NCR1: variants seen among roughly 807,000 people sequenced by gnomAD.
NCR1 encodes the protein natural cytotoxicity triggering receptor 1, also known as NK cell-activating receptor.
A neutral mutation model predicts 32.5 loss-of-function variants in NCR1; 30 were observed. That is an observed-to-expected ratio of 0.92 (90% CI 0.69 to 1.25). The LOEUF is 1.25. Ranked by LOEUF, NCR1 falls within the 50% of genes most tolerant of loss-of-function variation. The probability of loss-of-function intolerance (pLI) is 0.00; values close to 1 mark genes in which losing one functional copy is unlikely to be tolerated. For missense variants in NCR1, 369 were observed against 380.7 expected (o/e 0.97, Z 0.26); for synonymous variants, 169 against 143.4 (o/e 1.18, Z -1.28).
chr19:54,912,127 G>A (rs2068005360), intron 5 of NCR1, 41 bp from the exon 6 acceptor site: 2 of 1,575,758 alleles, frequency 1.3e-6, no homozygotes, highest in Non-Finnish European at 1.7e-6. Flanking sequence ...GGGTGGAGGA[G>A]GTCAAAACCA....
intron 5 of NCR1, 22 bp downstream of exon 5, chr19:54,910,087 G>A (rs763639586): frequency 6.2e-7 from 1 of 1,610,478 alleles, no homozygotes; most frequent in African/African-American, 1.3e-5. Context: ...GTCCTTCTAA[G>A]CTCAGACGAG....
At chr19:54,919,439 AGG>A (rs143954054), downstream of NCR1, among the ~76,000 whole-genome samples, 16,760 of 150,766 alleles carry the variant, frequency 0.11, 340 homozygotes, top group African/African-American at 0.22. Flanking sequence ...CGAGGCAGAG[AGG>A]GAGAGGAGAC....
chr19:54,917,908 C>T (rs2068167005), downstream of NCR1, among the ~76,000 whole-genome samples: 1 of 152,142 alleles, frequency 6.6e-6, no homozygotes, highest in South Asian at 2.1e-4. Context: ...CGGAAACTCT[C>T]CAGTCTCAGC....
At chr19:54,909,604 G>A in intron 4 of NCR1, 81 bp downstream of exon 4, 2 of 1,506,878 alleles carry the variant, frequency 1.3e-6, no homozygotes, top group Non-Finnish European at 1.8e-6. Context: ...GAGTGATGGG[G>A]AGGGTGTCCA....
At chr19:54,918,370 G>A (rs1203232450), downstream of NCR1, among the ~76,000 whole-genome samples, 1 of 152,118 alleles carries the variant, frequency 6.6e-6, no homozygotes, top group Admixed American at 6.6e-5. Context: ...CCGGGTTCAA[G>A]CGATTCTCCC....
chr19:54,936,968 T>A, the NCR1 span, among the ~76,000 whole-genome samples: 1 of 149,784 alleles, frequency 6.7e-6, no homozygotes, highest in East Asian at 2.0e-4. Context: ...ATCCCAGCAC[T>A]TTGGGAGGCC....
chr19:54,912,288 T>C (rs1264703637), intron 6 of NCR1, 70 bp downstream of exon 6: 32 of 1,473,298 alleles, frequency 2.2e-5, no homozygotes, highest in Non-Finnish European at 2.8e-5. Context: ...AGGAAGGGAA[T>C]CTAAATGGGA....
At chr19:54,935,965 G>A in the NCR1 span, among the ~76,000 whole-genome samples, 1,272 of 152,220 alleles carry the variant, frequency 8.4e-3, 6 homozygotes, top group Middle Eastern at 0.014. Flanking sequence ...AAGGCTGGGG[G>A]CCACTGCTCT....
chr19:54,903,491 C>CAT (rs913662242), upstream of NCR1, among the ~76,000 whole-genome samples: 3 of 129,282 alleles, frequency 2.3e-5, no homozygotes, highest in Non-Finnish European at 3.3e-5. Flanking sequence ...TATGTATATA[C>CAT]ATATATGTAT....
rs138794198 is a variant in NCR1, at chr19:54,907,041, T to C, written c.355+234T>C. Reference sequence around the variant, plus strand: ...TTTCTCCATGACACAGATTCTGAGATAGATATTTGTATGCAGGGGTATGAC... The same window carrying C: ...TTTCTCCATGACACAGATTCTGAGACAGATATTTGTATGCAGGGGTATGAC... On this transcript the variant is annotated intron_variant, in intron 3 of 6. Transcript: ENST00000291890. 1.1e-3 allele frequency among the ~76,000 whole-genome samples: 168 copies of C among 152,162 alleles called. 5 individuals are homozygous for C. In the East Asian group the frequency reaches 0.024, roughly 22 times the overall value.
the NCR1 span, among the ~76,000 whole-genome samples, chr19:54,935,681 A>G: frequency 2.8e-5 from 4 of 145,068 alleles, no homozygotes; most frequent in Non-Finnish European, 5.9e-5. Context: ...GACAAGAATA[A>G]AACTGTCTCA....
downstream of NCR1, chr19:54,913,201 C>G: frequency 5.5e-6 from 1 of 180,258 alleles, no homozygotes; most frequent in Non-Finnish European, 1.2e-5. Flanking sequence ...GCTGGGATTA[C>G]AGGCATGTGC....
rs1469510163 is a variant in NCR1 at position 54,912,696 on chromosome 19, C to T, written c.740C>T (p.Ala247Val). ...CCTGTTCTCCTGCCTACAGACCATGCCCTCTGGGATCACACTGCCCAGAAT... is the reference window on the plus strand; with the variant it reads ...CCTGTTCTCCTGCCTACAGACCATGTCCTCTGGGATCACACTGCCCAGAAT... ...TTETGLQKDH[A>V]LWDHTAQNLL... Residue 247 changes from alanine to valine, a missense_variant, in exon 7 of 7, where the codon GCC (alanine) becomes GTC (valine). Ala to Val is a moderately conservative substitution (Grantham distance 64). Transcript: ENST00000291890. The T allele has an allele frequency of 2.5e-6, 4 of 1,610,250 alleles. No homozygotes were observed. The African/African-American group carries it at 5.4e-5, about 22-fold the overall frequency.
chr19:54,904,479 T>C (rs146170780), upstream of NCR1, among the ~76,000 whole-genome samples: 1 of 151,778 alleles, frequency 6.6e-6, no homozygotes, highest in Admixed American at 6.6e-5. Flanking sequence ...CCTTACCCAA[T>C]GTTTAGCGCT....
chr19:54,900,639 C>T, the NCR1 span, among the ~76,000 whole-genome samples: 8 of 152,178 alleles, frequency 5.3e-5, no homozygotes, highest in Middle Eastern at 6.8e-3. Flanking sequence ...CCTCGGCCTC[C>T]CAAAGTGCTG....
downstream of NCR1, among the ~76,000 whole-genome samples, chr19:54,917,068 A>T (rs2068150894): frequency 6.6e-6 from 1 of 151,850 alleles, no homozygotes; most frequent in Non-Finnish European, 1.5e-5. Flanking sequence ...CCACAGTTGT[A>T]TTTGACACGT....
chr19:54,934,047 C>G, the NCR1 span, among the ~76,000 whole-genome samples: 1 of 152,146 alleles, frequency 6.6e-6, no homozygotes, highest in African/African-American at 2.4e-5. This position sits in a 1 kb window ranked among gnomAD's most constrained non-coding sequence, Gnocchi z 6.7. Flanking sequence ...AGGTTTACAC[C>G]ATTCTGCTGA....
the NCR1 span, chr19:54,934,558 A>G: frequency 1.2e-6 from 2 of 1,613,954 alleles, no homozygotes; most frequent in Admixed American, 1.7e-5. The surrounding 1 kb of genome is among the most constrained non-coding windows in gnomAD (Gnocchi z 6.7). Context: ...CTCATCCAGG[A>G]GCACATTGGC....
At chr19:54,903,607 T>C (rs1394794976), upstream of NCR1, among the ~76,000 whole-genome samples, 1 of 149,182 alleles carries the variant, frequency 6.7e-6, no homozygotes, top group Non-Finnish European at 1.5e-5. Context: ...TATATATGCA[T>C]GTGTATATAT....
Sources: gnomAD v4.1 joint callset for allele counts (sites outside exome capture counted in the v4.1 genomes callset) on GRCh38, gnomAD v4.1.1 for gene constraint, Gnocchi (gnomAD v3.1) non-coding constraint, MANE v1.5 for transcripts, NCBI Gene and HGNC (gene_info 2026-07-23, HGNC 2026-07-21) for gene names.